LYST: variants seen among roughly 807,000 people sequenced by gnomAD.
LYST encodes the protein lysosomal trafficking regulator, also known as lysosomal-trafficking regulator.
LYST carries 192 observed loss-of-function variants against 413.6 expected under a neutral mutation model. The ratio of observed to expected loss-of-function variants is 0.46; its 90% CI spans 0.41 to 0.52. The LOEUF is 0.52. LYST is among the 20% of genes least tolerant of loss of function. The probability of loss-of-function intolerance (pLI) is 0.00; values close to 1 mark genes in which losing one functional copy is unlikely to be tolerated. For synonymous variants in LYST, 1,525 were observed against 1,567.3 expected (o/e 0.97, Z 0.64); for missense variants, 3,815 against 4,499.9 (o/e 0.85, Z 4.35).
chr1:235,721,938 A>G (rs1243670729), intron 39 of LYST, among the ~76,000 whole-genome samples: 2 of 152,196 alleles, frequency 1.3e-5, no homozygotes, highest in African/African-American at 4.8e-5. Flanking sequence ...CATCCTATAG[A>G]GAAAAACAGA....
intron 16 of LYST, among the ~76,000 whole-genome samples, chr1:235,778,577 T>G (rs1301189343): frequency 1.3e-5 from 2 of 151,884 alleles, no homozygotes; most frequent in Non-Finnish European, 2.9e-5. Flanking sequence ...TTTCACCATG[T>G]TGGCCAGGCT....
In LYST at chr1:235,806,786, A is replaced by G. The variant is rs780710922; in HGVS notation, c.2364-14T>C. 2 of 1,567,226 alleles carry G rather than the reference A, an allele frequency of 1.3e-6. No homozygotes were observed. The highest frequency in any genetic ancestry group is 1.7e-5 in the Admixed American group (1 of 59,580). On this transcript the variant is annotated splice_polypyrimidine_tract_variant and intron_variant, in intron 5 of 52. Coordinates refer to ENST00000389793, the MANE Select transcript of LYST (RefSeq NM_000081.4). ...TCTCTTATTACCCTGTGAAAGAAAA[A>G]AAGCATGTAAAAAGGTTTAAATAAA...
chr1:235,685,783 T>A (rs1213842412), intron 48 of LYST, among the ~76,000 whole-genome samples: 1 of 150,758 alleles, frequency 6.6e-6, no homozygotes, highest in African/African-American at 2.4e-5. Context: ...GAGGCAGAGA[T>A]TGCATTGAGC....
intron 22 of LYST, among the ~76,000 whole-genome samples, chr1:235,761,707 C>T (rs917089313): frequency 6.6e-6 from 1 of 151,194 alleles, no homozygotes; most frequent in South Asian, 2.1e-4. Flanking sequence ...AAGTTATTGG[C>T]TAATGTGACC....
At chr1:235,764,689 G>T (rs1182810103) in intron 21 of LYST, among the ~76,000 whole-genome samples, 4 of 151,370 alleles carry the variant, frequency 2.6e-5, no homozygotes, top group African/African-American at 9.7e-5. Flanking sequence ...TTTTAGTAGA[G>T]ATGGGGTTTT....
chr1:235,802,193 CAAAAAAAAAAAAAAA>C (rs35511208), intron 8 of LYST, among the ~76,000 whole-genome samples: 4 of 45,074 alleles, frequency 8.9e-5, no homozygotes, highest in Admixed American at 2.7e-4. Context: ...GACTCCATTT[CAAAAAAAAAAAAAAA>C]AAAAAAAAAA....
chr1:235,700,350 T>C (rs1278857920), intron 45 of LYST, among the ~76,000 whole-genome samples: 1 of 152,070 alleles, frequency 6.6e-6, no homozygotes, highest in Non-Finnish European at 1.5e-5. Context: ...AGGTCTAATA[T>C]CCAGAATCTA....
chr1:235,781,841 A>G (rs1297198212), intron 15 of LYST, 86 bp downstream of exon 15: 14 of 892,766 alleles, frequency 1.6e-5, no homozygotes, highest in Non-Finnish European at 2.5e-5. Flanking sequence ...GTTAACTGAG[A>G]AAAAAAACTG....
intron 1 of LYST, among the ~76,000 whole-genome samples, chr1:235,860,918 A>G (rs1679786111): frequency 6.6e-6 from 1 of 152,094 alleles, no homozygotes; most frequent in African/African-American, 2.4e-5. Context: ...GGCATTTTCT[A>G]GAATTTTACA....
rs1658121329 is a variant in LYST at position 235,662,602 on chromosome 1, T to C, written c.*338A>G. The C allele has an allele frequency of 2.9e-6, 1 of 345,102 alleles. No individual in the cohort carries two copies. Among genetic ancestry groups the C allele is most frequent in the South Asian group, 2.6e-5 (1 of 39,130 alleles). 21.4% of individuals were successfully genotyped at this position (345,102 alleles called of 1,614,324 possible). The stretch of plus-strand genomic sequence containing the variant: ...ACCAATTTAAATTCTACTGGTCCTT[T>C]TGGAATCATAGAAAAAGGGGAGACC... On this transcript the variant is annotated 3_prime_UTR_variant, in exon 53 of 53. Transcript: ENST00000389793.
chr1:235,698,013 T>C (rs1423037978), intron 45 of LYST, among the ~76,000 whole-genome samples: 4 of 152,320 alleles, frequency 2.6e-5, no homozygotes, highest in Middle Eastern at 3.4e-3. Flanking sequence ...CAAAAACAGT[T>C]ATTAAAAAGT....
chr1:235,702,606 C>T, intron 45 of LYST, 141 bp downstream of exon 45: 1 of 743,158 alleles, frequency 1.3e-6, no homozygotes, highest in South Asian at 1.5e-5. Context: ...CAGGATTCTG[C>T]TTTCGCTGCT....
chr1:235,723,104 A>C (rs945276455), intron 39 of LYST, among the ~76,000 whole-genome samples: 52 of 152,192 alleles, frequency 3.4e-4, no homozygotes, highest in Non-Finnish European at 8.8e-5. Flanking sequence ...AGAGAAGAAC[A>C]AGAGTCTTGG....
rs536807443 is a variant in LYST, at chr1:235,723,045, C to G, written c.9315+983G>C. On this transcript the variant is annotated intron_variant, in intron 39 of 52. Transcript: ENST00000389793. ...GAAGCAGTCAGACTCTCGATGTATTCTGAGGACAGAGCCAACAGAACCTAT... is the reference window on the plus strand; with the variant it reads ...GAAGCAGTCAGACTCTCGATGTATTGTGAGGACAGAGCCAACAGAACCTAT... Among the ~76,000 whole-genome samples the G allele has an allele frequency of 2.6e-5, 4 of 152,300 alleles. No individual in the cohort carries two copies. The South Asian group carries it at 8.3e-4, about 32-fold the overall frequency.
chr1:235,834,925 T>C (rs1226123839), intron 1 of LYST, among the ~76,000 whole-genome samples: 1 of 152,106 alleles, frequency 6.6e-6, no homozygotes, highest in Non-Finnish European at 1.5e-5. Context: ...ATGCAAATTT[T>C]TTTTTTTTGA....
At chr1:235,807,395 T>C (rs1052959283) in intron 5 of LYST, among the ~76,000 whole-genome samples, 1 of 152,206 alleles carries the variant, frequency 6.6e-6, no homozygotes, top group Middle Eastern at 3.2e-3. Flanking sequence ...GTAATAACTT[T>C]AATATAAGCC....
intron 1 of LYST, among the ~76,000 whole-genome samples, chr1:235,862,632 C>T (rs997879561): frequency 2.0e-5 from 3 of 152,042 alleles, no homozygotes; most frequent in Non-Finnish European, 4.4e-5. Flanking sequence ...CCCATGTCTA[C>T]TAAAATTACA....
At chr1:235,722,157 A>G (rs1363316641) in intron 39 of LYST, among the ~76,000 whole-genome samples, 1 of 152,218 alleles carries the variant, frequency 6.6e-6, no homozygotes, top group African/African-American at 2.4e-5. Flanking sequence ...CATTCAAGGC[A>G]TGGATGGAGT....
In LYST at chr1:235,662,912, C is replaced by T; in HGVS notation, c.*28G>A. 2 of 1,300,300 alleles carry T rather than the reference C, an allele frequency of 1.5e-6. No homozygotes were observed. Among genetic ancestry groups the T allele is most frequent in the African/African-American group, 1.4e-5 (1 of 68,996 alleles). 80.5% of individuals were successfully genotyped at this position (1,300,300 alleles called of 1,614,324 possible). A position where few individuals can be genotyped will look rare whatever the true frequency, so the allele number is the denominator to read the frequency against. On this transcript the variant is annotated 3_prime_UTR_variant, in exon 53 of 53. Transcript: ENST00000389793. ...ACAAATCTAGTTTGGAGTTAAAGTGCTTTGGAGAACGTGAAGTTCATTCGC... is the reference window on the plus strand; with the variant it reads ...ACAAATCTAGTTTGGAGTTAAAGTGTTTTGGAGAACGTGAAGTTCATTCGC...
Sources: allele counts gnomAD v4.1 joint callset (sites outside exome capture counted in the v4.1 genomes callset), GRCh38; gene constraint gnomAD v4.1.1; transcripts MANE v1.5; gene names NCBI Gene and HGNC (gene_info 2026-07-23, HGNC 2026-07-21).